The following MAPK6 variants were observed in gnomAD, a reference collection of about 807,000 sequenced individuals.
MAPK6 encodes ERK-3.
In MAPK6, 19 loss-of-function variants were observed where a neutral mutation model predicts 59.3. The ratio of observed to expected loss-of-function variants is 0.32; its 90% CI spans 0.22 to 0.47. The LOEUF (loss-of-function observed/expected upper bound fraction) is 0.47, where lower values mean the gene tolerates loss of function less well. MAPK6 is among the 20% of genes least tolerant of loss of function. The probability of loss-of-function intolerance (pLI) is 1.00; values close to 1 mark genes in which losing one functional copy is unlikely to be tolerated. For missense variants in MAPK6, 724 were observed against 847.9 expected (o/e 0.85, Z 1.81); for synonymous variants, 316 against 290.3 (o/e 1.09, Z -0.90).
intron 1 of MAPK6, among the ~76,000 whole-genome samples, chr15:51,976,774 C>T (rs779273462): frequency 6.6e-6 from 1 of 151,382 alleles, no homozygotes; most frequent in African/African-American, 2.4e-5. Context: ...GAAACCCCAT[C>T]TCTACTAAAA....
At chr15:52,047,512 ATTT>A (rs1265053089) in intron 2 of MAPK6, among the ~76,000 whole-genome samples, 4 of 151,716 alleles carry the variant, frequency 2.6e-5, no homozygotes, top group African/African-American at 9.7e-5. Context: ...TGCCCAGCTA[ATTT>A]TTTTGTATTT....
chr15:51,990,541 C>T (rs1228477601), intron 2 of MAPK6, among the ~76,000 whole-genome samples: 3 of 152,178 alleles, frequency 2.0e-5, no homozygotes, highest in South Asian at 4.1e-4. Context: ...TATGGCTGGG[C>T]GCAGTGGCTC....
At chr15:52,057,953 C>G (rs2032048653) in intron 3 of MAPK6, among the ~76,000 whole-genome samples, 1 of 152,176 alleles carries the variant, frequency 6.6e-6, no homozygotes. Flanking sequence ...TAACTGTATT[C>G]TCAAGTGTCC....
intron 4 of MAPK6, among the ~76,000 whole-genome samples, chr15:52,061,013 C>T (rs929569449): frequency 1.8e-4 from 28 of 152,044 alleles, no homozygotes; most frequent in Admixed American, 1.3e-3. Flanking sequence ...TATATTAGGC[C>T]GGGATTACAG....
intron 2 of MAPK6, among the ~76,000 whole-genome samples, chr15:51,986,790 A>C (rs954201597): frequency 6.6e-5 from 10 of 152,154 alleles, no homozygotes; most frequent in Non-Finnish European, 1.3e-4. Context: ...AAAAGTTCTC[A>C]ATCCCCAATT....
Position 52,063,942 on chromosome 15 carries a change from C to CTT in MAPK6, c.1108_1109insTT (p.His370LeufsTer86). The stretch of plus-strand genomic sequence containing the variant: ...GTTTTCAGAGCATGATTGGCCTGTA[C>CTT]ATAACAACTTTGATATTGATGAAGT... On this transcript the variant is annotated frameshift_variant, in exon 6 of 6. Transcript: ENST00000261845. LOFTEE classifies it high-confidence loss of function. The CTT allele has an allele frequency of 6.3e-7, 1 of 1,596,556 alleles. No homozygotes were observed. Among genetic ancestry groups the CTT allele is most frequent in the Non-Finnish European group, 8.5e-7 (1 of 1,171,272 alleles).
intron 2 of MAPK6, among the ~76,000 whole-genome samples, chr15:51,987,202 TA>T (rs2057193564): frequency 6.6e-6 from 1 of 152,212 alleles, no homozygotes; most frequent in Non-Finnish European, 1.5e-5. Context: ...AGATTACTTT[TA>T]TAATGCAAAA....
intron 5 of MAPK6, among the ~76,000 whole-genome samples, chr15:52,063,350 C>T (rs182402601): frequency 6.6e-6 from 1 of 152,340 alleles, no homozygotes; most frequent in East Asian, 1.9e-4. Context: ...AGGCCTGAGC[C>T]ACTGCACCTG....
intron 1 of MAPK6, among the ~76,000 whole-genome samples, chr15:51,980,908 C>T (rs1200429215): frequency 4.0e-5 from 6 of 151,310 alleles, no homozygotes; most frequent in Admixed American, 1.3e-4. Flanking sequence ...GCTATTTCAA[C>T]GTAGAGCTGA....
intron 3 of MAPK6, among the ~76,000 whole-genome samples, chr15:52,007,297 C>A (rs1355447168): frequency 6.6e-6 from 1 of 152,056 alleles, no homozygotes; most frequent in African/African-American, 2.4e-5. Flanking sequence ...GGGAGTCTGT[C>A]CCTGACCCAC....
chr15:51,976,266 C>CAAAAAA (rs774556505), intron 1 of MAPK6, among the ~76,000 whole-genome samples: 1 of 45,178 alleles, frequency 2.2e-5, no homozygotes, highest in Non-Finnish European at 5.0e-5. Flanking sequence ...ACTCCCATCT[C>CAAAAAA]AAAAAAAAAA....
At chr15:51,977,952 A>G (rs1367008694) in intron 1 of MAPK6, among the ~76,000 whole-genome samples, 7 of 151,890 alleles carry the variant, frequency 4.6e-5, no homozygotes, top group African/African-American at 1.7e-4. Context: ...GCTGTGGCAT[A>G]GTACACTAAG....
chr15:52,040,226 T>C (rs2031374919), intron 1 of MAPK6, among the ~76,000 whole-genome samples: 1 of 152,240 alleles, frequency 6.6e-6, no homozygotes, highest in Non-Finnish European at 1.5e-5. Context: ...GGTTAGGAGA[T>C]AGCCCTAGGT....
At chr15:52,016,070 G>GCGCGCGCTCACACA, upstream of MAPK6, among the ~76,000 whole-genome samples, 1 of 55,392 alleles carries the variant, frequency 1.8e-5, no homozygotes, top group South Asian at 1.1e-3. Context: ...GCGCGCGCGC[G>GCGCGCGCTCACACA]CACACACACA....
At position 52,046,496 on chromosome 15, in the gene MAPK6, T is replaced by C. The variant is rs1242472194; in HGVS notation, c.36T>C (p.His12=). The part of the protein sequence containing the change: ...AEKFESLMNI[H]GFDLGSRYMD... ...AATTTGAAAGTCTCATGAACATTCATGGTTTTGATCTGGGTTCTAGGTATA... is the reference window on the plus strand; with the variant it reads ...AATTTGAAAGTCTCATGAACATTCACGGTTTTGATCTGGGTTCTAGGTATA... The change falls in exon 2 of 6, where the codon CAT becomes CAC. Residue 12 remains histidine (H), a synonymous_variant. Transcript: ENST00000261845. 6.2e-7 allele frequency: 1 copy of C among 1,609,266 alleles called. No individual in the cohort carries two copies. The highest frequency in any genetic ancestry group is 8.5e-7 in the Non-Finnish European group (1 of 1,178,538).
chr15:52,065,152 T>A lies in MAPK6; in HGVS notation c.*152T>A. 1 of 676,486 alleles carries A rather than the reference T, an allele frequency of 1.5e-6. No individual in the cohort carries two copies. Among genetic ancestry groups the A allele is most frequent in the Non-Finnish European group, 2.3e-6 (1 of 436,586 alleles). The allele number at this position is 676,486 out of a possible 1,614,324, so 41.9% of individuals were successfully genotyped here. On this transcript the variant is annotated 3_prime_UTR_variant, in exon 6 of 6. Transcript: ENST00000261845. The stretch of plus-strand genomic sequence containing the variant: ...TGTTTTTTAAAATCCAGACTTTCTT[T>A]TTCTACATGTGAGATAGTTTTCATT...
intron 2 of MAPK6, among the ~76,000 whole-genome samples, chr15:52,049,377 A>G (rs1252980886): frequency 7.7e-6 from 1 of 130,660 alleles, no homozygotes; most frequent in Non-Finnish European, 1.6e-5. Flanking sequence ...TTTTTTTTTT[A>G]AAGACAGGGT....
At chr15:51,979,393 A>G (rs2057166533) in intron 1 of MAPK6, among the ~76,000 whole-genome samples, 1 of 151,832 alleles carries the variant, frequency 6.6e-6, no homozygotes, top group African/African-American at 2.4e-5. Context: ...TTTAAAACTT[A>G]ACACCACACA....
chr15:51,987,664 TC>T (rs2057194948), intron 2 of MAPK6, among the ~76,000 whole-genome samples: 1 of 151,502 alleles, frequency 6.6e-6, no homozygotes, highest in Admixed American at 6.6e-5. Context: ...CCCAGTACCC[TC>T]CAGTCCCCTC....
Sources: allele counts gnomAD v4.1 joint callset (sites outside exome capture counted in the v4.1 genomes callset), GRCh38; gene constraint gnomAD v4.1.1; transcripts MANE v1.5; gene names NCBI Gene and HGNC (gene_info 2026-07-23, HGNC 2026-07-21).